KIF20B: variants seen among roughly 807,000 people sequenced by gnomAD.
The protein encoded by KIF20B is kinesin-like protein KIF20B.
In KIF20B, 188 loss-of-function variants were observed where a neutral mutation model predicts 232.5. The ratio of observed to expected loss-of-function variants is 0.81; its 90% CI spans 0.72 to 0.91. KIF20B has a LOEUF of 0.91. Ranked by LOEUF, KIF20B falls within the 40% of genes least tolerant of loss-of-function variation. KIF20B has a pLI of 0.00. For missense variants in KIF20B, 2,154 were observed against 2,055.9 expected, an observed-to-expected ratio of 1.05 and a Z score of -0.92; for synonymous variants, 712 against 683.0, an observed-to-expected ratio of 1.04 and a Z score of -0.66.
At chr10:89,720,718 A>ATTTC (rs1843038085) in intron 13 of KIF20B, among the ~76,000 whole-genome samples, 1 of 151,850 alleles carries the variant, frequency 6.6e-6, no homozygotes, top group Admixed American at 6.6e-5. Context: ...TTATTTATTT[A>ATTTC]TTTTTGAGAG....
chr10:89,735,535 CTTTTTTT>C (rs397947713), intron 19 of KIF20B, among the ~76,000 whole-genome samples: 1 of 108,148 alleles, frequency 9.2e-6, no homozygotes, highest in African/African-American at 3.7e-5. Context: ...TAGTAAGTGT[CTTTTTTT>C]TTTTTTTTTT....
chr10:89,762,752 G>A lies in KIF20B; in HGVS notation c.4906G>A (p.Ala1636Thr), dbSNP rs201324774. The A allele has an allele frequency of 2.1e-5, 34 of 1,613,422 alleles. No individual in the cohort carries two copies. Among genetic ancestry groups the A allele is most frequent in the Non-Finnish European group, 2.7e-5 (32 of 1,179,678 alleles). ...TACACCTTTACAGCCAAACAAAATGGCAGTGAAACACCCTGGTTGTACCAC... is the reference window on the plus strand; with the variant it reads ...TACACCTTTACAGCCAAACAAAATGACAGTGAAACACCCTGGTTGTACCAC... ...QFTPLQPNKM[A>T]VKHPGCTTPV... Residue 1636 changes from alanine to threonine, a missense_variant, in exon 29 of 33, where the codon GCA becomes ACA. By Grantham distance (58) the Ala-to-Thr change is moderately conservative (BLOSUM62 0). Transcript: ENST00000371728.
At chr10:89,742,165 C>A (rs1349809543) in intron 21 of KIF20B, among the ~76,000 whole-genome samples, 1 of 152,182 alleles carries the variant, frequency 6.6e-6, no homozygotes, top group Non-Finnish European at 1.5e-5. Context: ...TGCTGGTGCA[C>A]CTCACTGCAA....
chr10:89,729,312 T>G, intron 18 of KIF20B, 65 bp downstream of exon 18: 1 of 1,324,822 alleles, frequency 7.5e-7, no homozygotes, highest in South Asian at 1.4e-5. Context: ...TGAAAGGAAA[T>G]AATTTAAAAT....
At chr10:89,752,752 G>T in intron 25 of KIF20B, 61 bp downstream of exon 25, 1 of 1,243,374 alleles carries the variant, frequency 8.0e-7, no homozygotes, top group Admixed American at 2.9e-5. Context: ...TTTCTAATAA[G>T]AGGAGAATTC....
intron 31 of KIF20B, among the ~76,000 whole-genome samples, chr10:89,770,319 A>G (rs1220362359): frequency 6.6e-6 from 1 of 152,032 alleles, no homozygotes; most frequent in East Asian, 1.9e-4. Flanking sequence ...CCATTTGTAT[A>G]TTTACATACA....
At chr10:89,708,076 C>T (rs1016493442) in intron 2 of KIF20B, among the ~76,000 whole-genome samples, 3 of 152,062 alleles carry the variant, frequency 2.0e-5, no homozygotes, top group Admixed American at 6.6e-5. Flanking sequence ...TTGCGTATAT[C>T]TTAATGTGGT....
chr10:89,759,811 T>G (rs1006416417), intron 27 of KIF20B, among the ~76,000 whole-genome samples: 1 of 152,152 alleles, frequency 6.6e-6, no homozygotes, highest in Non-Finnish European at 1.5e-5. Context: ...ATGAATTCAG[T>G]AGAGTCTTTC....
At chr10:89,706,392 A>G (rs997833627) in intron 2 of KIF20B, among the ~76,000 whole-genome samples, 3 of 152,140 alleles carry the variant, frequency 2.0e-5, no homozygotes, top group Non-Finnish European at 4.4e-5. Flanking sequence ...TGATGATCAG[A>G]CATTTTAAAA....
chr10:89,736,950 T>C (rs7895379), intron 19 of KIF20B, among the ~76,000 whole-genome samples: 1 of 151,960 alleles, frequency 6.6e-6, no homozygotes, highest in Non-Finnish European at 1.5e-5. Flanking sequence ...ATTGCTAATA[T>C]AGTAAAAGCC....
chr10:89,774,142 A>G lies in KIF20B; in HGVS notation c.*94A>G. The G allele has an allele frequency of 1.5e-6, 1 of 653,450 alleles. No individual in the cohort carries two copies. 40.5% of individuals were successfully genotyped at this position (653,450 alleles called of 1,614,324 possible). On this transcript the variant is annotated 3_prime_UTR_variant, in exon 33 of 33. Coordinates refer to ENST00000371728, the MANE Select transcript of KIF20B (RefSeq NM_001284259.2). ...AATATAAATGTATATATTATGCATT[A>G]AATCACTCTGCATATAGATTGCTGT...
intron 26 of KIF20B, among the ~76,000 whole-genome samples, chr10:89,758,155 A>G (rs117012952): frequency 0.013 from 1,909 of 152,116 alleles, 16 homozygotes; most frequent in Middle Eastern, 0.024. Flanking sequence ...TTTTGATAAA[A>G]ACTGCTTTTA....
chr10:89,768,352 T>C lies in KIF20B; in HGVS notation c.5052T>C (p.Ile1684=), dbSNP rs1232581005. 6.3e-7 allele frequency: 1 copy of C among 1,591,944 alleles called. No individual in the cohort carries two copies. Among genetic ancestry groups the C allele is most frequent in the African/African-American group, 1.4e-5 (1 of 73,630 alleles). Residue 1684 remains isoleucine, a synonymous_variant, in exon 30 of 33, where the codon ATT becomes ATC. Coordinates refer to ENST00000371728, the MANE Select transcript of KIF20B (RefSeq NM_001284259.2). Reference sequence around the variant, plus strand: ...CCAGAACTAATTTGAAATTTCCTATTTCAGATGATAGAAATTCTTCTGTCA... The same window carrying C: ...CCAGAACTAATTTGAAATTTCCTATCTCAGATGATAGAAATTCTTCTGTCA... The part of the protein sequence containing the change: ...ATPRTNLKFP[I]SDDRNSSVKK...
Position 89,702,623 on chromosome 10 carries a change from A to G in KIF20B, c.-2+943A>G, listed in dbSNP as rs1391064313. Among the ~76,000 whole-genome samples the G allele has an allele frequency of 2.0e-5, 3 of 152,154 alleles. No homozygotes were observed. In the East Asian group the frequency reaches 5.8e-4, roughly 29 times the overall value. ...CAACAGATTCTGCTATTTTTCACCAAAGTCTCCAATTGTGGATTCTTATTG... is the reference window on the plus strand; with the variant it reads ...CAACAGATTCTGCTATTTTTCACCAGAGTCTCCAATTGTGGATTCTTATTG... On this transcript the variant is annotated intron_variant, in intron 1 of 32. Coordinates refer to ENST00000371728, the MANE Select transcript of KIF20B (RefSeq NM_001284259.2).
At chr10:89,771,346 G>A (rs1842456394) in intron 31 of KIF20B, among the ~76,000 whole-genome samples, 1 of 152,098 alleles carries the variant, frequency 6.6e-6, no homozygotes. Context: ...TCAGCTCTTA[G>A]TATAGTGGCT....
At position 89,729,217 on chromosome 10, in the gene KIF20B, G is replaced by A. The variant is rs769732448; in HGVS notation, c.2361G>A (p.Lys787=). Reference sequence around the variant, plus strand: ...CTATCAACGAATTTCAGAACCTAAAGTCTCATATGGAAAACACATTTAAAT... The same window carrying A: ...CTATCAACGAATTTCAGAACCTAAAATCTCATATGGAAAACACATTTAAAT... ...EDTINEFQNL[K]SHMENTFKCN... Residue 787 remains lysine, a synonymous_variant, in exon 18 of 33, where the codon AAG becomes AAA. Transcript: ENST00000371728. 4.7e-6 allele frequency: 7 copies of A among 1,492,076 alleles called. No individual in the cohort carries two copies. The highest frequency in any genetic ancestry group is 2.5e-5 in the East Asian group (1 of 39,676). 92.4% of individuals were successfully genotyped at this position (1,492,076 alleles called of 1,614,324 possible). A position where few individuals can be genotyped will look rare whatever the true frequency, so the allele number is the denominator to read the frequency against.
intron 25 of KIF20B, among the ~76,000 whole-genome samples, chr10:89,753,514 T>A (rs898810187): frequency 1.3e-5 from 2 of 152,214 alleles, no homozygotes; most frequent in African/African-American, 2.4e-5. Flanking sequence ...TAAAAAGTAT[T>A]TGTGTATTTT....
chr10:89,736,813 A>C (rs942656740), intron 19 of KIF20B, among the ~76,000 whole-genome samples: 1 of 152,148 alleles, frequency 6.6e-6, no homozygotes, highest in African/African-American at 2.4e-5. Context: ...ACATTTGAGG[A>C]AACAGTCGTA....
rs1208057468 is a variant in KIF20B, at chr10:89,711,000, A to G, written c.530A>G (p.Asn177Ser). The G allele has an allele frequency of 2.5e-6, 4 of 1,606,608 alleles. No homozygotes were observed. The highest frequency in any genetic ancestry group is 1.3e-5 in the African/African-American group (1 of 74,428). Residue 177 changes from asparagine (N) to serine (S), a missense_variant, in exon 6 of 33, where the codon AAT becomes AGT. Coordinates refer to ENST00000371728, the MANE Select transcript of KIF20B (RefSeq NM_001284259.2). ...ENIGILPRTL[N>S]VLFDSLQERL... ...ATTGGCATTCTGCCTCGAACTTTGA[A>G]TGTATTATTTGATAGTCTTCAAGAA... is the stretch of plus-strand genomic sequence containing the variant.
Sources: allele counts gnomAD v4.1 joint callset (sites outside exome capture counted in the v4.1 genomes callset), GRCh38; gene constraint gnomAD v4.1.1; transcripts MANE v1.5; gene names NCBI Gene and HGNC (gene_info 2026-07-23, HGNC 2026-07-21).